Variants in ATG9B observed in about 807,000 individuals in gnomAD.
ATG9B encodes autophagy related 9B, also known as autophagy-related protein 9B.
Under a neutral mutation model 92.9 loss-of-function variants are expected in ATG9B, and 92 were observed. That is an observed-to-expected ratio of 0.99 (90% CI 0.84 to 1.18). ATG9B has a LOEUF of 1.18. Ranked by LOEUF, ATG9B falls within the 50% of genes most tolerant of loss-of-function variation. The pLI is 0.00. For synonymous variants in ATG9B, 599 were observed against 551.4 expected (o/e 1.09, Z -1.21); for missense variants, 1,344 against 1,235.0 (o/e 1.09, Z -1.32).
Position 151,021,254 on chromosome 7 carries a change from T to TGAGC in ATG9B, c.893_896dup (p.Val300LeufsTer166). On this transcript the variant is annotated frameshift_variant, in exon 5 of 14. Coordinates refer to ENST00000639579, the MANE Select transcript of ATG9B (RefSeq NM_001317056.2). LOFTEE classifies it high-confidence loss of function. ...CCCAGTAGCTGAAGAGGTTGCAGAC[T>TGAGC]GAGCGAAGCAGTTGGACCAGCCAGA... 1 of 1,613,492 alleles carries TGAGC rather than the reference T, an allele frequency of 6.2e-7. No homozygotes were observed. The highest frequency in any genetic ancestry group is 2.2e-5 in the East Asian group (1 of 44,874).
intron 4 of ATG9B, among the ~76,000 whole-genome samples, chr7:151,022,234 GAC>G (rs1795780343): frequency 6.7e-6 from 1 of 148,384 alleles, no homozygotes; most frequent in Non-Finnish European, 1.5e-5. Flanking sequence ...AGTGATCAGA[GAC>G]AGTCACTGTC....
At chr7:151,021,557 G>A (rs772344394) in intron 4 of ATG9B, among the ~76,000 whole-genome samples, 1 of 151,984 alleles carries the variant, frequency 6.6e-6, no homozygotes, top group East Asian at 1.9e-4. Context: ...TTTCATTCTT[G>A]TACTCTGAGA....
chr7:151,022,851 ATATACT>A (rs1795801016), intron 4 of ATG9B, among the ~76,000 whole-genome samples, 188 bp downstream of exon 4: 1 of 150,718 alleles, frequency 6.6e-6, no homozygotes, highest in Non-Finnish European at 1.5e-5. Context: ...AAAAAAAAAG[ATATACT>A]TAATACACTT....
chr7:151,024,497 G>C, upstream of ATG9B: 1 of 1,133,868 alleles, frequency 8.8e-7, no homozygotes, highest in East Asian at 3.1e-5. Context: ...GTGACACTGA[G>C]CTGGGACTTC....
In ATG9B at chr7:151,018,223, G is replaced by T. The variant is rs1563251259; in HGVS notation, c.1872+71C>A. On this transcript the variant is annotated intron_variant, in intron 7 of 13. Coordinates refer to ENST00000639579, the MANE Select transcript of ATG9B (RefSeq NM_001317056.2). The surrounding 1 kb of genome is among the most constrained non-coding windows in gnomAD (Gnocchi z 4.7). ...ATGCCCTCTCCCAGACAGACCCTCC[G>T]CGCAGACAGACCCTCCGCGCAGACA... 5 of 1,486,696 alleles carry T rather than the reference G, an allele frequency of 3.4e-6. No individual in the cohort carries two copies. The highest frequency in any genetic ancestry group is 4.4e-6 in the Non-Finnish European group (5 of 1,127,832). The allele number at this position is 1,486,696 out of a possible 1,614,324, so 92.1% of individuals were successfully genotyped here. A position where few individuals can be genotyped will look rare whatever the true frequency, so the allele number is the denominator to read the frequency against.
In ATG9B at chr7:151,019,384, G is replaced by T. The variant is rs1328409534; in HGVS notation, c.964-10C>A. 6.6e-7 allele frequency: 1 copy of T among 1,506,960 alleles called. No homozygotes were observed. The highest frequency in any genetic ancestry group is 2.3e-5 in the East Asian group (1 of 43,324). The allele number at this position is 1,506,960 out of a possible 1,614,324, so 93.3% of individuals were successfully genotyped here. On this transcript the variant is annotated splice_polypyrimidine_tract_variant and intron_variant, in intron 5 of 13. Transcript: ENST00000639579. ...CCGAGCTCAGCTCCTCCTGAAAGGG[G>T]CACTGATGAGAGCCAGCGACCCCCC... is the stretch of plus-strand genomic sequence containing the variant.
At chr7:151,013,180 C>G (rs1198488131), downstream of ATG9B, 2 of 1,579,768 alleles carry the variant, frequency 1.3e-6, no homozygotes, top group South Asian at 2.3e-5. Flanking sequence ...GGAGGCCCCA[C>G]TAGCACTGTG....
At chr7:151,014,352 C>A, downstream of ATG9B, 1 of 679,282 alleles carries the variant, frequency 1.5e-6, no homozygotes, top group Non-Finnish European at 2.4e-6. Context: ...CTCTCTAGGC[C>A]TGTTGCCTCG....
downstream of ATG9B, chr7:151,014,498 A>C (rs1410082058): frequency 3.0e-6 from 1 of 329,622 alleles, no homozygotes; most frequent in African/African-American, 2.1e-5. Flanking sequence ...TGTAAAGTCT[A>C]ATCTCTAAAT....
At chr7:151,019,622 C>T (rs1795675030) in intron 5 of ATG9B, among the ~76,000 whole-genome samples, 1 of 152,222 alleles carries the variant, frequency 6.6e-6, no homozygotes, top group Non-Finnish European at 1.5e-5. Context: ...ATCATCCCTG[C>T]CATTCATGTG....
intron 2 of ATG9B, 34 bp from the exon 3 acceptor site, chr7:151,023,543 G>T: frequency 6.2e-7 from 1 of 1,611,592 alleles, no homozygotes; most frequent in Non-Finnish European, 8.5e-7. Flanking sequence ...CCTGAGGCAC[G>T]GGGGGCCTCT....
At chr7:151,022,962 G>A (rs1013666134) in intron 4 of ATG9B, 83 bp downstream of exon 4, 14 of 1,558,290 alleles carry the variant, frequency 9.0e-6, no homozygotes, top group Non-Finnish European at 1.2e-5. Flanking sequence ...TGATCTAGAT[G>A]ACGGGACAAA....
intron 3 of ATG9B, 67 bp from the exon 4 acceptor site, chr7:151,023,273 C>T: frequency 2.5e-6 from 4 of 1,609,250 alleles, no homozygotes; most frequent in Non-Finnish European, 3.4e-6. Flanking sequence ...GGCTCCTGCC[C>T]CAGCCCCCAG....
chr7:151,012,431 G>C (rs368502694), downstream of ATG9B: 2 of 1,610,888 alleles, frequency 1.2e-6, no homozygotes, highest in South Asian at 2.2e-5. Flanking sequence ...GCCCCCTTCC[G>C]GGGATTCTGG....
chr7:151,012,922 G>C, downstream of ATG9B: 1 of 423,656 alleles, frequency 2.4e-6, no homozygotes, highest in Non-Finnish European at 4.2e-6. Context: ...TATGAAGTGG[G>C]AGCGGGGAAG....
chr7:151,019,412 T>C (rs1795667442), intron 5 of ATG9B, 38 bp from the exon 6 acceptor site: 1 of 1,495,070 alleles, frequency 6.7e-7, no homozygotes, highest in African/African-American at 1.4e-5. Flanking sequence ...GACCCCCCAT[T>C]CCTCTCCACA....
At chr7:151,023,316 C>T in intron 3 of ATG9B, 110 bp from the exon 4 acceptor site, 3 of 1,597,246 alleles carry the variant, frequency 1.9e-6, no homozygotes, top group East Asian at 2.2e-5. Context: ...TGACCCTGCC[C>T]CTGCTGAGCC....
In ATG9B at chr7:151,018,714, G is replaced by C. The variant is rs1220689266; in HGVS notation, c.1624C>G (p.Leu542Val). 2 of 1,598,222 alleles carry C rather than the reference G, an allele frequency of 1.3e-6. No individual in the cohort carries two copies. The highest frequency in any genetic ancestry group is 1.7e-6 in the Non-Finnish European group (2 of 1,175,118). ...TCGTCGTAGACGGTGAGCACAAGCAGCGCGGCGAAGAGTGCACCCGCGAAG... is the reference window on the plus strand; with the variant it reads ...TCGTCGTAGACGGTGAGCACAAGCACCGCGGCGAAGAGTGCACCCGCGAAG... ...VFFAGALFAA[L>V]LVLTVYDEDV... The change falls in exon 6 of 14, where the codon CTG becomes GTG. Residue 542 changes from leucine to valine, a missense_variant. By Grantham distance (32) the Leu-to-Val change is conservative. Coordinates refer to ENST00000639579, the MANE Select transcript of ATG9B (RefSeq NM_001317056.2). The surrounding 1 kb of genome is among the most constrained non-coding windows in gnomAD (Gnocchi z 4.7).
At chr7:151,024,497 G>A (rs1447919086), upstream of ATG9B, 124 of 1,133,868 alleles carry the variant, frequency 1.1e-4, 2 homozygotes, top group East Asian at 3.8e-3. Flanking sequence ...GTGACACTGA[G>A]CTGGGACTTC....
Sources: gnomAD v4.1 joint callset for allele counts (sites outside exome capture counted in the v4.1 genomes callset) on GRCh38, gnomAD v4.1.1 for gene constraint, Gnocchi (gnomAD v3.1) non-coding constraint, MANE v1.5 for transcripts, NCBI Gene and HGNC (gene_info 2026-07-23, HGNC 2026-07-21) for gene names.